WDFY4: variants seen among roughly 807,000 people sequenced by gnomAD.
The protein encoded by WDFY4 is WDFY family member 4.
A neutral mutation model predicts 351.9 loss-of-function variants in WDFY4; 169 were observed. The observed-to-expected ratio is 0.48, with a 90% CI of 0.42 to 0.55. The LOEUF (loss-of-function observed/expected upper bound fraction) is 0.55, where lower values mean the gene tolerates loss of function less well. WDFY4 is among the 20% of genes least tolerant of loss of function. WDFY4 has a pLI of 0.00. For missense variants in WDFY4, 3,803 were observed against 3,935.6 expected, an observed-to-expected ratio of 0.97 and a Z score of 0.90; for synonymous variants, 1,622 against 1,574.6, an observed-to-expected ratio of 1.03 and a Z score of -0.71.
rs187744321 is a variant in WDFY4 at position 48,914,286 on chromosome 10, C to T, written c.7586+12423C>T. 4 of 950,374 alleles carry T rather than the reference C, an allele frequency of 4.2e-6. No homozygotes were observed. In the African/African-American group the frequency reaches 4.9e-5, roughly 12 times the overall value. The allele number at this position is 950,374 out of a possible 1,614,324, so 58.9% of individuals were successfully genotyped here. On this transcript the variant is annotated intron_variant, in intron 47 of 61. Coordinates refer to ENST00000325239, the MANE Select transcript of WDFY4 (RefSeq NM_001394531.1). ...AGGAGATGCCAGAGGGCACTGGGCT[C>T]CCCCACGTCATGACGCTTTGCTCTT...
At chr10:48,966,364 C>T (rs549972985) in intron 54 of WDFY4, among the ~76,000 whole-genome samples, 162 bp from the exon 55 acceptor site, 2 of 152,180 alleles carry the variant, frequency 1.3e-5, no homozygotes, top group South Asian at 2.1e-4. Flanking sequence ...TCATCTGCAG[C>T]GTCTGAGGGC....
chr10:48,982,109 G>A (rs777763303), intron 61 of WDFY4, among the ~76,000 whole-genome samples: 2 of 152,216 alleles, frequency 1.3e-5, no homozygotes, highest in Non-Finnish European at 2.9e-5. Context: ...ATGCTGGGTG[G>A]GGCGGAGTGG....
intron 5 of WDFY4, among the ~76,000 whole-genome samples, chr10:48,723,788 A>G (rs1330484849): frequency 6.6e-6 from 1 of 151,440 alleles, no homozygotes; most frequent in African/African-American, 2.4e-5. Flanking sequence ...CTTTGTACCC[A>G]CCCCTGTGCC....
chr10:48,966,942 T>C (rs772421890), intron 55 of WDFY4: 1 of 460,802 alleles, frequency 2.2e-6, no homozygotes, highest in Non-Finnish European at 3.9e-6. Context: ...CACAGACACC[T>C]CTTTCAGGCA....
At chr10:48,740,840 T>A (rs1335198021) in intron 11 of WDFY4, among the ~76,000 whole-genome samples, 1 of 152,204 alleles carries the variant, frequency 6.6e-6, no homozygotes, top group African/African-American at 2.4e-5. Context: ...CCCTGCAGTG[T>A]CCCTCTGAGA....
In WDFY4 at chr10:48,964,331, C is replaced by T. The variant is rs114267702; in HGVS notation, c.8436+277C>T. On this transcript the variant is annotated intron_variant, in intron 54 of 61. Coordinates refer to ENST00000325239, the MANE Select transcript of WDFY4 (RefSeq NM_001394531.1). ...TATGTGGTAACTAATTACTTGTGTT[C>T]GTATCTACCCTACAGGTTTGTTGTA... is the stretch of plus-strand genomic sequence containing the variant. Among the ~76,000 whole-genome samples, 535 of 152,296 alleles carry T rather than the reference C, an allele frequency of 3.5e-3. 2 individuals carry two copies. Among genetic ancestry groups the T allele is most frequent in the African/African-American group, 0.012 (513 of 41,554 alleles).
At chr10:48,719,820 A>AGAATCTG (rs1295771772) in intron 2 of WDFY4, among the ~76,000 whole-genome samples, 191 bp from the exon 3 acceptor site, 1 of 152,090 alleles carries the variant, frequency 6.6e-6, no homozygotes, top group Non-Finnish European at 1.5e-5. Context: ...GAGCAGTTAG[A>AGAATCTG]GAATCTGGAG....
rs533317187 is a variant in WDFY4, at chr10:48,949,017, A to G, written c.7977+2048A>G. ...TAGCCAGTCTGGTCCATTGGTGACC[A>G]GGTAAAATTAGTTTGAGATGGTCTA... On this transcript the variant is annotated intron_variant, in intron 51 of 61. Coordinates refer to ENST00000325239, the MANE Select transcript of WDFY4 (RefSeq NM_001394531.1). Among the ~76,000 whole-genome samples, 9 of 152,368 alleles carry G rather than the reference A, an allele frequency of 5.9e-5. No homozygotes were observed. The East Asian group carries it at 1.7e-3, about 29-fold the overall frequency.
At chr10:48,905,185 T>G (rs556626499) in intron 47 of WDFY4, among the ~76,000 whole-genome samples, 1 of 152,336 alleles carries the variant, frequency 6.6e-6, no homozygotes, top group Non-Finnish European at 1.5e-5. Context: ...CTCAGAATCT[T>G]AGTGTTGCCT....
chr10:48,687,690 C>G (rs1368993112), intron 1 of WDFY4, among the ~76,000 whole-genome samples: 4 of 147,570 alleles, frequency 2.7e-5, no homozygotes, highest in Non-Finnish European at 6.0e-5. Flanking sequence ...TCTTGGCTCA[C>G]TGCAACCTCC....
At chr10:48,794,790 T>C (rs893947852) in intron 23 of WDFY4, among the ~76,000 whole-genome samples, 4 of 152,120 alleles carry the variant, frequency 2.6e-5, no homozygotes, top group African/African-American at 9.7e-5. Context: ...AGGCGTCCTC[T>C]TTGGATTTGG....
intron 50 of WDFY4, 28 bp downstream of exon 50, chr10:48,946,185 G>A (rs1371377567): frequency 9.3e-6 from 14 of 1,498,750 alleles, no homozygotes; most frequent in Non-Finnish European, 1.2e-5. Flanking sequence ...GATTTTTGGT[G>A]CAGTGTTATT....
chr10:48,760,717 A>C (rs1246050137), intron 13 of WDFY4, among the ~76,000 whole-genome samples: 1 of 152,178 alleles, frequency 6.6e-6, no homozygotes, highest in Non-Finnish European at 1.5e-5. Flanking sequence ...AACTGAAAAT[A>C]ATTGAACCAT....
chr10:48,694,010 A>G (rs1218692124), intron 1 of WDFY4, among the ~76,000 whole-genome samples: 1 of 152,208 alleles, frequency 6.6e-6, no homozygotes. Context: ...GCATACTTCC[A>G]GATATGTTTC....
At chr10:48,749,612 G>A (rs1046101436) in intron 12 of WDFY4, among the ~76,000 whole-genome samples, 3 of 152,160 alleles carry the variant, frequency 2.0e-5, no homozygotes, top group Admixed American at 6.5e-5. Flanking sequence ...CACAGTGCAG[G>A]TCTGGAGGTG....
rs181947387 is a variant in WDFY4, at chr10:48,748,680, G to A, written c.2459+5132G>A. 2.6e-4 allele frequency among the ~76,000 whole-genome samples: 39 copies of A among 152,288 alleles called. 1 individual carries two copies. In the East Asian group the frequency reaches 5.4e-3, roughly 21 times the overall value. On this transcript the variant is annotated intron_variant, in intron 12 of 61. Transcript: ENST00000325239. Reference sequence around the variant, plus strand: ...TTATAAGACCCATGTTTCATAAATAGAGCATTTTTTTTTCTCCCTAAAAGA... The same window carrying A: ...TTATAAGACCCATGTTTCATAAATAAAGCATTTTTTTTTCTCCCTAAAAGA...
intron 31 of WDFY4, among the ~76,000 whole-genome samples, chr10:48,815,086 A>C (rs979575065): frequency 6.6e-6 from 1 of 152,220 alleles, no homozygotes; most frequent in African/African-American, 2.4e-5. Flanking sequence ...TCTGGGATGT[A>C]GTATAGCAGG....
At chr10:48,720,157 A>G in intron 3 of WDFY4, 32 bp downstream of exon 3, 2 of 1,547,126 alleles carry the variant, frequency 1.3e-6, no homozygotes, top group Non-Finnish European at 1.7e-6. Context: ...CAGACCCTCT[A>G]CAGAGAGCAG....
At chr10:48,737,622 T>C (rs1482252650) in intron 11 of WDFY4, among the ~76,000 whole-genome samples, 10 of 152,208 alleles carry the variant, frequency 6.6e-5, no homozygotes, top group African/African-American at 2.4e-4. Context: ...AATCATCATG[T>C]TTCACAGATG....
Sources: allele counts gnomAD v4.1 joint callset (sites outside exome capture counted in the v4.1 genomes callset), GRCh38; gene constraint gnomAD v4.1.1; transcripts MANE v1.5; gene names NCBI Gene and HGNC (gene_info 2026-07-23, HGNC 2026-07-21).